Variants in ANKS1A observed in about 807,000 individuals in gnomAD.
ANKS1A encodes the protein ankyrin repeat and sterile alpha motif domain containing 1A, also known as ankyrin repeat and SAM domain-containing protein 1A.
A neutral mutation model predicts 120.3 loss-of-function variants in ANKS1A; 55 were observed. The ratio of observed to expected loss-of-function variants is 0.46; its 90% CI spans 0.37 to 0.57. The LOEUF is 0.57. ANKS1A is among the 20% of genes least tolerant of loss of function. ANKS1A has a pLI of 0.00. For synonymous variants in ANKS1A, 590 were observed against 604.7 expected (o/e 0.98, Z 0.36); for missense variants, 1,123 against 1,480.3 (o/e 0.76, Z 3.96).
At chr6:35,018,913 A>G (rs1036031244) in intron 11 of ANKS1A, among the ~76,000 whole-genome samples, 19 of 151,928 alleles carry the variant, frequency 1.3e-4, no homozygotes, top group Non-Finnish European at 1.5e-4. Flanking sequence ...CTGCTTCTCC[A>G]TGGTTATTCT....
chr6:34,995,762 C>G (rs144074477), intron 10 of ANKS1A, among the ~76,000 whole-genome samples: 124 of 152,332 alleles, frequency 8.1e-4, no homozygotes, highest in African/African-American at 2.9e-3. Flanking sequence ...TTCATTGCTA[C>G]TATCCCATTG....
intron 1 of ANKS1A, among the ~76,000 whole-genome samples, chr6:34,930,372 G>A (rs1768922197): frequency 6.6e-6 from 1 of 152,216 alleles, no homozygotes. Flanking sequence ...TCAGCAGGAA[G>A]GAAGGTGAAC....
intron 12 of ANKS1A, among the ~76,000 whole-genome samples, chr6:35,054,856 C>A (rs1419845307): frequency 6.6e-6 from 1 of 152,188 alleles, no homozygotes; most frequent in African/African-American, 2.4e-5. Flanking sequence ...AGATGCCTCT[C>A]AGAGCAGATC....
chr6:34,996,770 C>T (rs190265324), intron 10 of ANKS1A, among the ~76,000 whole-genome samples: 65 of 152,222 alleles, frequency 4.3e-4, no homozygotes, highest in East Asian at 3.3e-3. Context: ...CATGCCTGGC[C>T]ACCAATCTTT....
intron 3 of ANKS1A, among the ~76,000 whole-genome samples, chr6:34,981,352 A>G (rs1195431655): frequency 2.0e-5 from 3 of 152,212 alleles, no homozygotes; most frequent in African/African-American, 2.4e-5. Context: ...CAGTGATATT[A>G]TTGGTATTCA....
intron 20 of ANKS1A, 91 bp downstream of exon 20, chr6:35,083,594 T>C: frequency 8.2e-7 from 1 of 1,220,432 alleles, no homozygotes; most frequent in South Asian, 1.2e-5. Context: ...GGCTGCCCTG[T>C]CTCATCTCTT....
At chr6:35,056,763 A>ATC (rs1776245142) in intron 12 of ANKS1A, among the ~76,000 whole-genome samples, 1 of 152,106 alleles carries the variant, frequency 6.6e-6, no homozygotes, top group Non-Finnish European at 1.5e-5. Flanking sequence ...GGGACCACCT[A>ATC]AACAGCGGGT....
At chr6:35,040,858 G>A (rs1053114868) in intron 11 of ANKS1A, among the ~76,000 whole-genome samples, 3 of 152,210 alleles carry the variant, frequency 2.0e-5, no homozygotes, top group African/African-American at 4.8e-5. Flanking sequence ...CTCTCCCGTA[G>A]ACCTCAGGGA....
At chr6:34,967,413 C>A in intron 2 of ANKS1A, 94 bp downstream of exon 2, 1 of 1,253,708 alleles carries the variant, frequency 8.0e-7, no homozygotes. Flanking sequence ...GCTGGCTGAG[C>A]TTAGTGGCTC....
intron 1 of ANKS1A, among the ~76,000 whole-genome samples, chr6:34,955,429 G>A (rs1483724014): frequency 1.3e-5 from 2 of 152,116 alleles, no homozygotes; most frequent in South Asian, 2.1e-4. Context: ...GAGCCACCAC[G>A]CCTGGCCATT....
chr6:35,048,498 TA>T, intron 11 of ANKS1A, among the ~76,000 whole-genome samples: 1 of 152,272 alleles, frequency 6.6e-6, no homozygotes, highest in South Asian at 2.1e-4. Context: ...CTCCCTCTCC[TA>T]AAAGCAGTTG....
chr6:34,904,968 G>A lies in ANKS1A; in HGVS notation c.197+15369G>A, dbSNP rs143709153. Reference sequence around the variant, plus strand: ...TGGGATTACAGGTGTGTGCCACCACGCTCAGCTAATTTTTGTATTTTTAAT... The same window carrying A: ...TGGGATTACAGGTGTGTGCCACCACACTCAGCTAATTTTTGTATTTTTAAT... On this transcript the variant is annotated intron_variant, in intron 1 of 23. Transcript: ENST00000360359. Among the ~76,000 whole-genome samples, 499 of 152,166 alleles carry A rather than the reference G, an allele frequency of 3.3e-3. 17 individuals carry two copies. The East Asian group carries it at 0.078, about 24-fold the overall frequency.
At chr6:35,027,065 C>T (rs1413471551) in intron 11 of ANKS1A, among the ~76,000 whole-genome samples, 1 of 152,106 alleles carries the variant, frequency 6.6e-6, no homozygotes, top group Non-Finnish European at 1.5e-5. Flanking sequence ...AAGCTCATTG[C>T]ATACTCAAGG....
chr6:35,023,331 G>A (rs1037758319), intron 11 of ANKS1A, among the ~76,000 whole-genome samples: 1 of 152,146 alleles, frequency 6.6e-6, no homozygotes, highest in Non-Finnish European at 1.5e-5. Context: ...GCAGTTTTTG[G>A]CACTGTTTCT....
chr6:35,027,052 C>A (rs980412913), intron 11 of ANKS1A, among the ~76,000 whole-genome samples: 3 of 152,142 alleles, frequency 2.0e-5, no homozygotes, highest in Admixed American at 6.5e-5. Context: ...AATGCCTTTC[C>A]ATAAGCTCAT....
chr6:35,048,100 G>A (rs754711531), intron 11 of ANKS1A, among the ~76,000 whole-genome samples: 2 of 152,220 alleles, frequency 1.3e-5, no homozygotes, highest in Admixed American at 6.5e-5. Context: ...CCAGAGCTCC[G>A]TGGCTTTCCT....
At chr6:34,913,619 TTTG>T (rs549695039) in intron 1 of ANKS1A, among the ~76,000 whole-genome samples, 184 of 151,188 alleles carry the variant, frequency 1.2e-3, no homozygotes, top group Middle Eastern at 3.4e-3. Flanking sequence ...AACAAAATAG[TTTG>T]TTGTTGTTGT....
At chr6:35,055,641 G>A (rs973051716) in intron 12 of ANKS1A, among the ~76,000 whole-genome samples, 3 of 152,204 alleles carry the variant, frequency 2.0e-5, no homozygotes, top group Non-Finnish European at 2.9e-5. Context: ...TGTTCCTTTT[G>A]TCCATGAAAT....
Position 35,084,738 on chromosome 6 carries a change from A to T in ANKS1A, c.3132+480A>T, listed in dbSNP as rs1187822038. On this transcript the variant is annotated intron_variant, in intron 21 of 23. Coordinates refer to ENST00000360359, the MANE Select transcript of ANKS1A (RefSeq NM_015245.3). This position sits in a 1 kb window ranked among gnomAD's most constrained non-coding sequence, Gnocchi z 4.8. ...GGGCCGCCTCCCAGAAATGCCCTCT[A>T]CTTCCCTCTTAGGGGCAGTGGTGCC... 1.3e-5 allele frequency among the ~76,000 whole-genome samples: 2 copies of T among 152,036 alleles called. No individual in the cohort carries two copies. Among genetic ancestry groups the T allele is most frequent in the African/African-American group, 4.8e-5 (2 of 41,390 alleles).
Sources: gnomAD v4.1 joint callset for allele counts (sites outside exome capture counted in the v4.1 genomes callset) on GRCh38, gnomAD v4.1.1 for gene constraint, Gnocchi (gnomAD v3.1) non-coding constraint, MANE v1.5 for transcripts, NCBI Gene and HGNC (gene_info 2026-07-23, HGNC 2026-07-21) for gene names.